The following RNF180 variants were observed in gnomAD, a reference collection of about 807,000 sequenced individuals.
The protein encoded by RNF180 is ring finger protein 180, also known as E3 ubiquitin-protein ligase RNF180.
In RNF180, 38 loss-of-function variants were observed where a neutral mutation model predicts 59.2. The ratio of observed to expected loss-of-function variants is 0.64; its 90% CI spans 0.50 to 0.84. The LOEUF is 0.84. Ranked by LOEUF, RNF180 falls within the 40% of genes least tolerant of loss-of-function variation. The pLI is 0.00. For synonymous variants in RNF180, 262 were observed against 240.3 expected, an observed-to-expected ratio of 1.09 and a Z score of -0.84; for missense variants, 705 against 700.9, an observed-to-expected ratio of 1.01 and a Z score of -0.07.
At chr5:64,220,134 G>T (rs1337517199) in intron 5 of RNF180, among the ~76,000 whole-genome samples, 2 of 151,790 alleles carry the variant, frequency 1.3e-5, no homozygotes, top group African/African-American at 4.8e-5. Context: ...CTTGCTGGAG[G>T]TTTATTAAGT....
chr5:64,243,732 A>T (rs1742971493), intron 5 of RNF180, among the ~76,000 whole-genome samples: 1 of 152,150 alleles, frequency 6.6e-6, no homozygotes, highest in South Asian at 2.1e-4. Flanking sequence ...CACAGTGCTC[A>T]AGCTCTGCTA....
chr5:64,184,374 CT>C (rs563651885), intron 1 of RNF180, among the ~76,000 whole-genome samples: 21 of 152,022 alleles, frequency 1.4e-4, no homozygotes, highest in Non-Finnish European at 2.2e-4. Flanking sequence ...ACTTTATTAT[CT>C]TTTTTTTCTA....
intron 5 of RNF180, among the ~76,000 whole-genome samples, chr5:64,291,517 C>T (rs370695896): frequency 1.2e-4 from 18 of 148,092 alleles, no homozygotes; most frequent in African/African-American, 3.3e-4. Flanking sequence ...CTCCGCCTGC[C>T]GGGTTCACAC....
chr5:64,214,627 C>T, intron 4 of RNF180, 110 bp downstream of exon 4: 2 of 904,174 alleles, frequency 2.2e-6, no homozygotes, highest in South Asian at 3.6e-5. Flanking sequence ...TTTAGTAATT[C>T]TGGAAATGCT....
chr5:64,327,726 G>C (rs1744712920), intron 6 of RNF180, among the ~76,000 whole-genome samples: 1 of 152,160 alleles, frequency 6.6e-6, no homozygotes, highest in African/African-American at 2.4e-5. Context: ...ATGTGCTGAT[G>C]AAAGGAGTGT....
chr5:64,348,640 C>T (rs1745654192), intron 7 of RNF180, among the ~76,000 whole-genome samples: 1 of 151,840 alleles, frequency 6.6e-6, no homozygotes, highest in South Asian at 2.1e-4. Flanking sequence ...ATCTCTCAAC[C>T]TGATAAAATT....
At chr5:64,345,182 T>G (rs1745508049) in intron 7 of RNF180, among the ~76,000 whole-genome samples, 1 of 152,110 alleles carries the variant, frequency 6.6e-6, no homozygotes, top group Non-Finnish European at 1.5e-5. Flanking sequence ...CTCTTCTAAT[T>G]TAGGAAAGCA....
chr5:64,201,341 A>G (rs903736330), intron 2 of RNF180, among the ~76,000 whole-genome samples: 10 of 152,202 alleles, frequency 6.6e-5, no homozygotes, highest in Non-Finnish European at 1.5e-4. Context: ...TGTATTCACT[A>G]TGGGCCTAGA....
intron 3 of RNF180, among the ~76,000 whole-genome samples, chr5:64,212,432 C>T (rs1752361962): frequency 6.6e-6 from 1 of 151,932 alleles, no homozygotes; most frequent in African/African-American, 2.4e-5. Context: ...TTATTATACA[C>T]ACACATATAC....
chr5:64,177,831 T>G (rs187663193), intron 1 of RNF180, among the ~76,000 whole-genome samples: 2 of 152,016 alleles, frequency 1.3e-5, no homozygotes, highest in Admixed American at 1.3e-4. Context: ...AGACTAGCAA[T>G]AATGAGAGTC....
chr5:64,332,524 T>C (rs969188080), intron 7 of RNF180, among the ~76,000 whole-genome samples: 2 of 152,290 alleles, frequency 1.3e-5, no homozygotes, highest in South Asian at 4.1e-4. Flanking sequence ...GGAATAATTA[T>C]GTCTTCCTCA....
At chr5:64,217,867 A>G (rs946734282) in intron 5 of RNF180, 5 of 152,220 alleles carry the variant, frequency 3.3e-5, no homozygotes, top group African/African-American at 1.2e-4. Flanking sequence ...TGAGGTCAGA[A>G]GATTGCTTGA....
intron 2 of RNF180, among the ~76,000 whole-genome samples, chr5:64,202,237 A>G (rs916577435): frequency 2.6e-5 from 4 of 152,102 alleles, no homozygotes; most frequent in Admixed American, 2.6e-4. Context: ...CATTCCTTCA[A>G]ATGGAATAAT....
chr5:64,299,949 C>T (rs1269249145), intron 5 of RNF180, among the ~76,000 whole-genome samples: 1 of 151,738 alleles, frequency 6.6e-6, no homozygotes, highest in African/African-American at 2.4e-5. Flanking sequence ...TGTGAATAAT[C>T]CTTTTGTCCA....
intron 7 of RNF180, among the ~76,000 whole-genome samples, chr5:64,367,148 C>G (rs962190125): frequency 1.3e-5 from 2 of 151,538 alleles, no homozygotes; most frequent in African/African-American, 4.8e-5. Context: ...ATAAATAATG[C>G]CTTTTCCAGA....
At chr5:64,239,150 C>A (rs573392552) in intron 5 of RNF180, among the ~76,000 whole-genome samples, 17 of 152,090 alleles carry the variant, frequency 1.1e-4, no homozygotes, top group Non-Finnish European at 2.5e-4. Flanking sequence ...ATGGTTCTCC[C>A]AGCAGCACCT....
chr5:64,192,798 A>G (rs914809759), intron 1 of RNF180, among the ~76,000 whole-genome samples: 3 of 151,446 alleles, frequency 2.0e-5, no homozygotes, highest in Admixed American at 6.6e-5. Context: ...TCAAAGAGAT[A>G]ATTGCATCCT....
In RNF180 at chr5:64,249,194, T is replaced by C. The variant is rs559836380; in HGVS notation, c.1227+31798T>C. On this transcript the variant is annotated intron_variant, in intron 5 of 7. Transcript: ENST00000389100. ...GTGCAGCAAATGACCGTGGCATGTG[T>C]ATAGCTATGTAACAATCCTGCACAT... 3.2e-4 allele frequency among the ~76,000 whole-genome samples: 49 copies of C among 152,294 alleles called. 1 individual carries two copies. The highest frequency in any genetic ancestry group is 3.0e-3 in the Admixed American group (46 of 15,288).
chr5:64,240,408 ATT>A (rs1742736703), intron 5 of RNF180, among the ~76,000 whole-genome samples: 1 of 152,184 alleles, frequency 6.6e-6, no homozygotes, highest in Non-Finnish European at 1.5e-5. Flanking sequence ...GACATAATAT[ATT>A]TATAATAGAG....
Sources: gnomAD v4.1 joint callset for allele counts (sites outside exome capture counted in the v4.1 genomes callset) on GRCh38, gnomAD v4.1.1 for gene constraint, MANE v1.5 for transcripts, NCBI Gene and HGNC (gene_info 2026-07-23, HGNC 2026-07-21) for gene names.